Variants in HIVEP1 observed in about 807,000 individuals in gnomAD.
HIVEP1 encodes zinc finger protein 40.
Under a neutral mutation model 180.0 loss-of-function variants are expected in HIVEP1, and 36 were observed. The ratio of observed to expected loss-of-function variants is 0.20; its 90% CI spans 0.15 to 0.26. The LOEUF (loss-of-function observed/expected upper bound fraction) is 0.26. Among genes scored for constraint, HIVEP1 ranks in the 10% least tolerant of loss-of-function variants. HIVEP1 has a pLI of 1.00. For missense variants in HIVEP1, 3,143 were observed against 3,268.7 expected (o/e 0.96, Z 0.94); for synonymous variants, 1,239 against 1,239.0 (o/e 1.00, Z 0.00).
chr6:12,050,303 C>T (rs781159700), intron 2 of HIVEP1, among the ~76,000 whole-genome samples: 1 of 152,174 alleles, frequency 6.6e-6, no homozygotes, highest in African/African-American at 2.4e-5. Flanking sequence ...TAAACACCAT[C>T]GGCCGGGTGC....
chr6:12,083,078 C>G (rs774411660), intron 2 of HIVEP1, among the ~76,000 whole-genome samples: 6 of 151,688 alleles, frequency 4.0e-5, no homozygotes, highest in Non-Finnish European at 8.8e-5. Context: ...TGAAAACTGC[C>G]TGTTAATGCA....
intron 2 of HIVEP1, among the ~76,000 whole-genome samples, chr6:12,041,394 C>T (rs1337984752): frequency 2.1e-5 from 3 of 141,742 alleles, no homozygotes; most frequent in Admixed American, 7.4e-5. Flanking sequence ...TGCACTCCAG[C>T]CTGGGCGACA....
Position 12,123,464 on chromosome 6 carries a change from C to T in HIVEP1, c.3669C>T (p.Pro1223=), listed in dbSNP as rs1757834600. 1.2e-6 allele frequency: 2 copies of T among 1,614,158 alleles called. No individual in the cohort carries two copies. Among genetic ancestry groups the T allele is most frequent in the Non-Finnish European group, 1.7e-6 (2 of 1,180,026 alleles). ...SPSERHVLGQ[P]SRLVRQHNIQ... ...GTGAACGACATGTGTTAGGACAGCC[C>T]TCAAGACTTGTCCGGCAGCACAACA... Residue 1223 remains proline (P), a synonymous_variant, in exon 4 of 9, where the codon CCC becomes CCT. Transcript: ENST00000379388.
the HIVEP1 span, among the ~76,000 whole-genome samples, chr6:12,170,227 G>C: frequency 6.6e-6 from 1 of 152,130 alleles, no homozygotes. Context: ...AAGATGCAAG[G>C]TATCTTGAAT....
the HIVEP1 span, among the ~76,000 whole-genome samples, chr6:12,195,094 A>G: frequency 6.6e-6 from 1 of 152,238 alleles, no homozygotes; most frequent in African/African-American, 2.4e-5. Flanking sequence ...GATACTTAAG[A>G]GAATATCAAG....
the HIVEP1 span, among the ~76,000 whole-genome samples, chr6:12,202,608 CTCT>C: frequency 6.6e-6 from 1 of 152,140 alleles, no homozygotes; most frequent in African/African-American, 2.4e-5. Flanking sequence ...TGTTCCTTTT[CTCT>C]TTTTTTCCAG....
chr6:12,179,097 T>A, the HIVEP1 span, among the ~76,000 whole-genome samples: 1 of 152,188 alleles, frequency 6.6e-6, no homozygotes, highest in Admixed American at 6.5e-5. Context: ...AGGCATGGAA[T>A]GATACATGTA....
intron 2 of HIVEP1, among the ~76,000 whole-genome samples, chr6:12,021,813 GTGCTA>G: frequency 1.3e-5 from 2 of 151,918 alleles, no homozygotes; most frequent in East Asian, 3.9e-4. Flanking sequence ...TTACAGGCCT[GTGCTA>G]CCACCCCCGG....
intron 2 of HIVEP1, among the ~76,000 whole-genome samples, chr6:12,072,848 T>A (rs187098642): frequency 5.9e-5 from 9 of 152,338 alleles, no homozygotes; most frequent in Admixed American, 5.2e-4. Context: ...TACTCTTCAT[T>A]CATTCTTTAC....
intron 1 of HIVEP1, among the ~76,000 whole-genome samples, chr6:12,013,669 A>G (rs1767542447): frequency 1.3e-5 from 2 of 152,228 alleles, no homozygotes; most frequent in Non-Finnish European, 2.9e-5. Context: ...TTAAGCATTC[A>G]TGCAATTTAT....
intron 2 of HIVEP1, 89 bp from the exon 3 acceptor site, chr6:12,089,095 G>C: frequency 1.5e-6 from 1 of 669,348 alleles, no homozygotes; most frequent in East Asian, 2.8e-5. Flanking sequence ...CTAGGTATCT[G>C]ACACTGTTTA....
chr6:12,159,451 A>T (rs1329021142), intron 7 of HIVEP1, among the ~76,000 whole-genome samples: 1 of 151,656 alleles, frequency 6.6e-6, no homozygotes, highest in Non-Finnish European at 1.5e-5. Context: ...CAAATTGAGG[A>T]TGACTCGAAT....
the HIVEP1 span, among the ~76,000 whole-genome samples, chr6:12,187,687 G>T: frequency 2.6e-5 from 4 of 151,448 alleles, no homozygotes; most frequent in African/African-American, 9.7e-5. Flanking sequence ...CTGACTCCAG[G>T]ATTCAAGTGT....
At chr6:12,067,202 TATTATGG>T (rs1771654933) in intron 2 of HIVEP1, among the ~76,000 whole-genome samples, 1 of 152,200 alleles carries the variant, frequency 6.6e-6, no homozygotes, top group African/African-American at 2.4e-5. Flanking sequence ...TAATTATTAG[TATTATGG>T]ATCTTGCAGT....
At chr6:12,111,636 G>C (rs12213481) in intron 3 of HIVEP1, among the ~76,000 whole-genome samples, 5 of 152,156 alleles carry the variant, frequency 3.3e-5, no homozygotes, top group African/African-American at 9.7e-5. Context: ...CTCTTTCTCC[G>C]TCTTGAAAGC....
intron 2 of HIVEP1, among the ~76,000 whole-genome samples, chr6:12,036,772 G>T (rs568806340): frequency 6.6e-6 from 1 of 152,366 alleles, no homozygotes; most frequent in Non-Finnish European, 1.5e-5. Context: ...GGTGTGCGTG[G>T]TGGCGCACGC....
downstream of HIVEP1, among the ~76,000 whole-genome samples, chr6:12,167,631 T>TAATATTACATG (rs1760744283): frequency 6.0e-5 from 6 of 100,822 alleles, no homozygotes; most frequent in South Asian, 2.5e-4. Flanking sequence ...TATATACATG[T>TAATATTACATG]TATATATACA....
the HIVEP1 span, among the ~76,000 whole-genome samples, chr6:12,208,466 C>T: frequency 6.6e-6 from 1 of 152,178 alleles, no homozygotes; most frequent in Non-Finnish European, 1.5e-5. Flanking sequence ...AGCCTCCTTG[C>T]AGGGCGGTTC....
chr6:12,140,614 A>G (rs1758966205), intron 7 of HIVEP1, among the ~76,000 whole-genome samples: 1 of 152,232 alleles, frequency 6.6e-6, no homozygotes, highest in African/African-American at 2.4e-5. Context: ...AGGAAGCTAA[A>G]AACCTTGAAA....
Sources: gnomAD v4.1 joint callset for allele counts (sites outside exome capture counted in the v4.1 genomes callset) on GRCh38, gnomAD v4.1.1 for gene constraint, MANE v1.5 for transcripts, NCBI Gene and HGNC (gene_info 2026-07-23, HGNC 2026-07-21) for gene names.